PRR12: variants seen among roughly 807,000 people sequenced by gnomAD.
PRR12 encodes proline-rich protein 12.
In PRR12, 12 loss-of-function variants were observed where a neutral mutation model predicts 138.0. That is an observed-to-expected ratio of 0.09 (90% CI 0.06 to 0.14). The LOEUF (loss-of-function observed/expected upper bound fraction) is 0.14. Among genes scored for constraint, PRR12 ranks in the 10% least tolerant of loss-of-function variants. The pLI is 1.00. For missense variants in PRR12, 2,692 were observed against 2,861.3 expected, an observed-to-expected ratio of 0.94 and a Z score of 1.35; for synonymous variants, 1,567 against 1,291.7, an observed-to-expected ratio of 1.21 and a Z score of -4.57.
In PRR12 at chr19:49,601,585, A is replaced by G; in HGVS notation, c.4440A>G (p.Pro1480=). ...QPPPPPPPPQ[P]ALPSPPPLVA... ...CGCCACCCCCTCCGCCGCCACAGCC[A>G]GCCCTGCCCTCGCCACCCCCGCTGG... is the stretch of plus-strand genomic sequence containing the variant. The change falls in exon 6 of 14, where the codon CCA becomes CCG. Residue 1480 remains proline, a synonymous_variant. Transcript: ENST00000418929. The G allele has an allele frequency of 7.0e-7, 1 of 1,418,620 alleles. No homozygotes were observed. The highest frequency in any genetic ancestry group is 1.6e-5 in the African/African-American group (1 of 62,032). 87.9% of individuals were successfully genotyped at this position (1,418,620 alleles called of 1,614,324 possible).
intron 8 of PRR12, 56 bp from the exon 9 acceptor site, chr19:49,615,691 G>A: frequency 6.9e-7 from 1 of 1,459,314 alleles, no homozygotes; most frequent in Admixed American, 1.9e-5. Context: ...GGACCCTGAG[G>A]AGAATTTGGA....
Position 49,615,897 on chromosome 19 carries a change from G to A in PRR12, c.5175G>A (p.Glu1725=), listed in dbSNP as rs773322671. Residue 1725 remains glutamate (E), a synonymous_variant, in exon 9 of 14, where the codon GAG becomes GAA. Transcript: ENST00000418929. ...AGACTCCTGAGACGGCCATGCCTGA[G>A]CCCCCTGCCCCCGAGAAGCCCTCCC... ...PEQTPETAMP[E]PPAPEKPSLL... 18 of 1,567,726 alleles carry A rather than the reference G, an allele frequency of 1.1e-5. No homozygotes were observed. The highest frequency in any genetic ancestry group is 1.6e-5 in the Non-Finnish European group (18 of 1,156,570).
Position 49,601,681 on chromosome 19 carries a change from TCCA to T in PRR12, c.4545_4547del (p.Pro1518del), listed in dbSNP as rs2080812036. 6.5e-7 allele frequency: 1 copy of T among 1,537,000 alleles called. No individual in the cohort carries two copies. Among genetic ancestry groups the T allele is most frequent in the Non-Finnish European group, 8.7e-7 (1 of 1,145,444 alleles). ...CACCTCCACCAGCCATGCCCTCGCC[TCCA>T]CCACCACCCCCACCAGCCGCTGCCC... is the stretch of plus-strand genomic sequence containing the variant. On this transcript the variant is annotated inframe_deletion, in exon 6 of 14. Transcript: ENST00000418929.
rs1417172395 is a variant in PRR12, at chr19:49,616,119, G to A, written c.5397G>A (p.Lys1799=). ...VKAEPPPKKR[K]KWLKEAGGNA... is the part of the protein sequence containing the mutation. ...CTGAACCGCCCCCTAAGAAGAGGAA[G>A]AAATGGCTGAAGGAGGCAGGCGGCA... Residue 1799 remains lysine, a synonymous_variant, in exon 9 of 14, where the codon AAG becomes AAA. Coordinates refer to ENST00000418929, the MANE Select transcript of PRR12 (RefSeq NM_020719.3). This position sits in a 1 kb window ranked among gnomAD's most constrained non-coding sequence, Gnocchi z 4.2. The A allele has an allele frequency of 3.2e-6, 5 of 1,567,178 alleles. No homozygotes were observed. In the East Asian group the frequency reaches 1.2e-4, roughly 37 times the overall value.
intron 6 of PRR12, among the ~76,000 whole-genome samples, chr19:49,608,348 A>G (rs1337846022): frequency 1.3e-5 from 2 of 151,744 alleles, no homozygotes; most frequent in East Asian, 1.9e-4. Flanking sequence ...TTTTTTTAAA[A>G]TTTTTTATTT....
chr19:49,613,156 G>A (rs930589026), intron 6 of PRR12, among the ~76,000 whole-genome samples: 1 of 151,230 alleles, frequency 6.6e-6, no homozygotes, highest in African/African-American at 2.4e-5. Flanking sequence ...GGCCAACATG[G>A]CAAAAACCCC....
chr19:49,591,830 G>A, intron 1 of PRR12, 90 bp downstream of exon 1: 1 of 729,582 alleles, frequency 1.4e-6, no homozygotes, highest in Non-Finnish European at 2.0e-6. Context: ...GCCCGGCGAC[G>A]CGTGCATCGC....
intron 11 of PRR12, 181 bp downstream of exon 11, chr19:49,621,803 G>T: frequency 1.7e-6 from 1 of 597,406 alleles, no homozygotes; most frequent in East Asian, 2.8e-5. Context: ...CAGCCATGAA[G>T]CCCATGTGGG....
chr19:49,625,861 T>A lies in PRR12; in HGVS notation c.*254T>A. 2.8e-6 allele frequency: 1 copy of A among 356,760 alleles called. No homozygotes were observed. The highest frequency in any genetic ancestry group is 5.0e-6 in the Non-Finnish European group (1 of 201,616). 22.1% of individuals were successfully genotyped at this position (356,760 alleles called of 1,614,324 possible). On this transcript the variant is annotated 3_prime_UTR_variant, in exon 14 of 14. Coordinates refer to ENST00000418929, the MANE Select transcript of PRR12 (RefSeq NM_020719.3). The surrounding 1 kb of genome is among the most constrained non-coding windows in gnomAD (Gnocchi z 5.5). Reference sequence around the variant, plus strand: ...TTATTTATATATATGTATAAATGTCTATTTAGTAACGGTTTCCCTCTCCCC... The same window carrying A: ...TTATTTATATATATGTATAAATGTCAATTTAGTAACGGTTTCCCTCTCCCC...
At chr19:49,604,187 C>T (rs1568426495) in intron 6 of PRR12, among the ~76,000 whole-genome samples, 2 of 152,066 alleles carry the variant, frequency 1.3e-5, no homozygotes, top group South Asian at 2.1e-4. Flanking sequence ...TTATTTCAAT[C>T]TATTTCATTG....
chr19:49,601,606 G>C lies in PRR12; in HGVS notation c.4461G>C (p.Pro1487=). 2 of 1,339,168 alleles carry C rather than the reference G, an allele frequency of 1.5e-6. No homozygotes were observed. The highest frequency in any genetic ancestry group is 4.2e-5 in the East Asian group (1 of 23,926). 83.0% of individuals were successfully genotyped at this position (1,339,168 alleles called of 1,614,324 possible). The change falls in exon 6 of 14, where the codon CCG becomes CCC. Residue 1487 remains proline, a synonymous_variant. Coordinates refer to ENST00000418929, the MANE Select transcript of PRR12 (RefSeq NM_020719.3). ...PPQPALPSPP[P]LVAPTPSSPP... ...AGCCAGCCCTGCCCTCGCCACCCCC[G>C]CTGGTGGCCCCCACGCCCAGCTCAC...
At chr19:49,598,041 A>G (rs1473777675) in intron 4 of PRR12, 28 bp downstream of exon 4, 11 of 1,291,616 alleles carry the variant, frequency 8.5e-6, no homozygotes, top group Non-Finnish European at 1.1e-5. Context: ...CTTGTAGGGG[A>G]TAGGGGAGGA....
chr19:49,615,753 T>G lies in PRR12; in HGVS notation c.5031T>G (p.Ser1677=), dbSNP rs1285859139. 6 of 1,612,292 alleles carry G rather than the reference T, an allele frequency of 3.7e-6. No individual in the cohort carries two copies. The African/African-American group carries it at 8.0e-5, about 22-fold the overall frequency. The change falls in exon 9 of 14, where the codon TCT becomes TCG. Residue 1677 remains serine (S), a synonymous_variant. Transcript: ENST00000418929. ...CTTCTCTGTTCCCTTCTAGACGCTC[T>G]GGGCAGGCCAAGAACCCCGTATCTG... is the stretch of plus-strand genomic sequence containing the variant. ...WHRPPVPVRR[S]GQAKNPVSAG...
Position 49,601,734 on chromosome 19 carries a change from C to G in PRR12, c.4589C>G (p.Pro1530Arg). The G allele has an allele frequency of 1.3e-6, 2 of 1,547,706 alleles. No homozygotes were observed. The highest frequency in any genetic ancestry group is 1.7e-6 in the Non-Finnish European group (2 of 1,148,698). Residue 1530 changes from proline to arginine, a missense_variant, in exon 6 of 14, where the codon CCC becomes CGC. This residue lies in a region of PRR12 where 231 missense variants were observed against 200.8 expected (regional missense o/e 1.15). Transcript: ENST00000418929. ...CCACTGGCTGCTCCTCCTGAGGAGC[C>G]CGCCGCCCCGTCTCCCGAAGACCCC... The part of the protein sequence containing the change: ...AAPLAAPPEE[P>R]AAPSPEDPEL...
chr19:49,614,659 C>T lies in PRR12; in HGVS notation c.4890+10C>T. 2 of 1,552,576 alleles carry T rather than the reference C, an allele frequency of 1.3e-6. No homozygotes were observed. The highest frequency in any genetic ancestry group is 1.7e-6 in the Non-Finnish European group (2 of 1,147,266). ...TTGTGCCACCAGTAATGTAAGCCTG[C>T]AAAGGGGACCAAGGACTTGGGGGCC... On this transcript the variant is annotated intron_variant, in intron 7 of 13. Transcript: ENST00000418929. This position sits in a 1 kb window ranked among gnomAD's most constrained non-coding sequence, Gnocchi z 5.0.
chr19:49,615,995 G>A lies in PRR12; in HGVS notation c.5273G>A (p.Arg1758Gln), dbSNP rs1372250772. The A allele has an allele frequency of 2.5e-5, 39 of 1,552,736 alleles. No homozygotes were observed. Among genetic ancestry groups the A allele is most frequent in the Admixed American group, 3.9e-5 (2 of 51,046 alleles). ...GGAGAGCGGCCATTGCGGGGTGAGC[G>A]GGCCACCAGCGGACGGCAGACACGG... ...TRGERPLRGE[R>Q]ATSGRQTRPE... Residue 1758 changes from arginine to glutamine, a missense_variant, in exon 9 of 14, where the codon CGG becomes CAG. Coordinates refer to ENST00000418929, the MANE Select transcript of PRR12 (RefSeq NM_020719.3).
chr19:49,595,319 C>A lies in PRR12; in HGVS notation c.984C>A (p.Asn328Lys). 2 of 1,545,202 alleles carry A rather than the reference C, an allele frequency of 1.3e-6. No individual in the cohort carries two copies. Among genetic ancestry groups the A allele is most frequent in the Non-Finnish European group, 1.7e-6 (2 of 1,145,932 alleles). Reference protein sequence around the residue: ...GSYPSMGHRANLACSPLGGGE... With the variant: ...GSYPSMGHRAKLACSPLGGGE... ...ACCCCTCCATGGGCCACCGGGCCAACCTGGCCTGCAGCCCCCTGGGTGGTG... is the reference window on the plus strand; with the variant it reads ...ACCCCTCCATGGGCCACCGGGCCAAACTGGCCTGCAGCCCCCTGGGTGGTG... Residue 328 changes from asparagine to lysine, a missense_variant, in exon 4 of 14, where the codon AAC becomes AAA. Around this residue, in one of 11 missense-constraint regions of PRR12, gnomAD observed 523 missense variants for 496.4 expected, o/e 1.05. Transcript: ENST00000418929.
At chr19:49,605,413 C>A (rs891986987) in intron 6 of PRR12, among the ~76,000 whole-genome samples, 2 of 151,912 alleles carry the variant, frequency 1.3e-5, no homozygotes, top group African/African-American at 4.8e-5. Flanking sequence ...CAGGCATGTG[C>A]CACCATGCCT....
At chr19:49,617,033 A>G (rs2080896524) in intron 9 of PRR12, among the ~76,000 whole-genome samples, 1 of 151,736 alleles carries the variant, frequency 6.6e-6, no homozygotes, top group Admixed American at 6.6e-5. Context: ...AACGAGGCTG[A>G]GGCAGGAGAA....
Sources: allele counts gnomAD v4.1 joint callset (sites outside exome capture counted in the v4.1 genomes callset), GRCh38; gene constraint gnomAD v4.1.1; regional missense constraint gnomAD v4.1.1; non-coding constraint Gnocchi (gnomAD v3.1); transcripts MANE v1.5; gene names NCBI Gene and HGNC (gene_info 2026-07-23, HGNC 2026-07-21).